OSBPL6: variants seen among roughly 807,000 people sequenced by gnomAD.
OSBPL6 encodes the protein oxysterol-binding protein-related protein 6.
A neutral mutation model predicts 125.8 loss-of-function variants in OSBPL6; 49 were observed. That is an observed-to-expected ratio of 0.39 (90% CI 0.31 to 0.49). The LOEUF is 0.49. OSBPL6 is among the 20% of genes least tolerant of loss of function. The probability of loss-of-function intolerance (pLI) is 0.88; values close to 1 mark genes in which losing one functional copy is unlikely to be tolerated. For synonymous variants in OSBPL6, 394 were observed against 391.8 expected, an observed-to-expected ratio of 1.01 and a Z score of -0.07; for missense variants, 986 against 1,135.4, an observed-to-expected ratio of 0.87 and a Z score of 1.89.
At chr2:178,297,713 C>G (rs1553545809) in intron 2 of OSBPL6, among the ~76,000 whole-genome samples, 1 of 152,120 alleles carries the variant, frequency 6.6e-6, no homozygotes, top group Non-Finnish European at 1.5e-5. Flanking sequence ...AGAAGAAATG[C>G]AGATTGGCGT....
chr2:178,249,030 C>A (rs770971227), intron 1 of OSBPL6, among the ~76,000 whole-genome samples: 1 of 152,014 alleles, frequency 6.6e-6, no homozygotes, highest in Non-Finnish European at 1.5e-5. Flanking sequence ...TCCACCTCCC[C>A]GGTTCAAGTG....
intron 3 of OSBPL6, among the ~76,000 whole-genome samples, chr2:178,309,879 G>A (rs1687112436): frequency 6.6e-6 from 1 of 152,214 alleles, no homozygotes; most frequent in Admixed American, 6.5e-5. Context: ...CAAAGTGTGT[G>A]CCGAGGAATG....
chr2:178,201,268 T>C (rs868736607), intron 1 of OSBPL6, among the ~76,000 whole-genome samples: 4 of 152,230 alleles, frequency 2.6e-5, no homozygotes, highest in Non-Finnish European at 5.9e-5. Flanking sequence ...CTGATTTTCA[T>C]AGAAGCAACT....
At chr2:178,320,880 C>G (rs1688178573) in intron 3 of OSBPL6, among the ~76,000 whole-genome samples, 1 of 152,190 alleles carries the variant, frequency 6.6e-6, no homozygotes, top group Non-Finnish European at 1.5e-5. Flanking sequence ...CCAAGATAGG[C>G]TGGGTGCAGT....
At chr2:178,314,107 A>G (rs187606679) in intron 3 of OSBPL6, among the ~76,000 whole-genome samples, 18 of 152,350 alleles carry the variant, frequency 1.2e-4, no homozygotes, top group African/African-American at 3.4e-4. Context: ...AGCATCTTCA[A>G]ATCGCTCTGT....
At chr2:178,300,738 G>A (rs1686201268) in intron 2 of OSBPL6, among the ~76,000 whole-genome samples, 1 of 152,206 alleles carries the variant, frequency 6.6e-6, no homozygotes, top group Non-Finnish European at 1.5e-5. Context: ...TTACAGGCAT[G>A]AGCTACCACA....
chr2:178,193,797 G>A (rs2088660848), upstream of OSBPL6, among the ~76,000 whole-genome samples: 1 of 152,236 alleles, frequency 6.6e-6, no homozygotes, highest in Admixed American at 6.5e-5. Flanking sequence ...GTTGTAGTGA[G>A]GCGGGACTGA....
At chr2:178,344,634 GC>G (rs1690534973) in intron 11 of OSBPL6, among the ~76,000 whole-genome samples, 1 of 151,530 alleles carries the variant, frequency 6.6e-6, no homozygotes, top group Non-Finnish European at 1.5e-5. Flanking sequence ...TGAGTACAGT[GC>G]CCCATGATGT....
At chr2:178,209,699 A>G (rs1478698545) in intron 1 of OSBPL6, among the ~76,000 whole-genome samples, 1 of 151,888 alleles carries the variant, frequency 6.6e-6, no homozygotes, top group Non-Finnish European at 1.5e-5. Context: ...CAAGCACTCA[A>G]GTGGGTCTTT....
At chr2:178,213,856 C>T (rs1476732496) in intron 1 of OSBPL6, among the ~76,000 whole-genome samples, 1 of 152,144 alleles carries the variant, frequency 6.6e-6, no homozygotes, top group Non-Finnish European at 1.5e-5. Flanking sequence ...GACTGGACTG[C>T]TCTTCCTCCT....
In OSBPL6 at chr2:178,384,092, A is replaced by G; in HGVS notation, c.1929A>G (p.Ala643=). ...GATACTGCTCCACCTATTTCAGAGC[A>G]GGAAGTAAGCCATTCAACCCAGTCC... is the stretch of plus-strand genomic sequence containing the variant. ...VSGYCSTYFR[A]GSKPFNPVLG... is the part of the protein sequence containing the mutation. Residue 643 remains alanine (A), a synonymous_variant, in exon 18 of 25, where the codon GCA becomes GCG. Transcript: ENST00000190611. The G allele has an allele frequency of 1.2e-6, 2 of 1,614,178 alleles. No homozygotes were observed. Among genetic ancestry groups the G allele is most frequent in the Non-Finnish European group, 1.7e-6 (2 of 1,179,994 alleles).
rs1559338596 is a variant in OSBPL6 at position 178,397,309 on chromosome 2, T to C, written c.*1750T>C. On this transcript the variant is annotated 3_prime_UTR_variant, in exon 25 of 25. Coordinates refer to ENST00000190611, the MANE Select transcript of OSBPL6 (RefSeq NM_032523.4). ...GAATGGAATTTCATTCTCAGGTAAA[T>C]TTTCGAATCCATCACCAGATCTAAG... 6.6e-6 allele frequency: 1 copy of C among 152,246 alleles called. No individual in the cohort carries two copies. Among genetic ancestry groups the C allele is most frequent in the Non-Finnish European group, 1.5e-5 (1 of 68,038 alleles). 9.4% of individuals were successfully genotyped at this position (152,246 alleles called of 1,614,324 possible).
rs992237224 is a variant in OSBPL6, at chr2:178,343,658, C to T, written c.987+3894C>T. On this transcript the variant is annotated intron_variant, in intron 11 of 24. Coordinates refer to ENST00000190611, the MANE Select transcript of OSBPL6 (RefSeq NM_032523.4). Reference sequence around the variant, plus strand: ...AGGAACTTAAGTTTTCTTTTCTGATCTTATGGGGTCTGGCATCTTCCTTGG... The same window carrying T: ...AGGAACTTAAGTTTTCTTTTCTGATTTTATGGGGTCTGGCATCTTCCTTGG... 2.0e-5 allele frequency among the ~76,000 whole-genome samples: 3 copies of T among 152,238 alleles called. No homozygotes were observed. In the East Asian group the frequency reaches 5.8e-4, roughly 29 times the overall value.
chr2:178,264,886 CT>C lies in OSBPL6; in HGVS notation c.-350-20030del, dbSNP rs779425479. 5.9e-3 allele frequency among the ~76,000 whole-genome samples: 866 copies of C among 147,816 alleles called. 4 individuals are homozygous for C. The highest frequency in any genetic ancestry group is 8.7e-3 in the Non-Finnish European group (580 of 66,650). On this transcript the variant is annotated intron_variant, in intron 1 of 24. Coordinates refer to ENST00000190611, the MANE Select transcript of OSBPL6 (RefSeq NM_032523.4). ...AAAGTTTGCATAGGATACCAGGATACTTTTTTTTTTTCTTTAGAGACAGAGT... is the reference window on the plus strand; with the variant it reads ...AAAGTTTGCATAGGATACCAGGATACTTTTTTTTTTCTTTAGAGACAGAGT...
intron 1 of OSBPL6, among the ~76,000 whole-genome samples, chr2:178,225,105 A>T (rs910321154): frequency 8.6e-5 from 13 of 152,010 alleles, no homozygotes; most frequent in Non-Finnish European, 1.2e-4. Context: ...GACAGGTGGC[A>T]GTGTTTTAGT....
intron 12 of OSBPL6, among the ~76,000 whole-genome samples, chr2:178,360,662 A>G (rs1692270841): frequency 6.6e-6 from 1 of 152,232 alleles, no homozygotes; most frequent in African/African-American, 2.4e-5. Flanking sequence ...GAACTTTTCT[A>G]TGACTATTGC....
chr2:178,215,595 C>T (rs2090060227), intron 1 of OSBPL6, among the ~76,000 whole-genome samples: 1 of 151,888 alleles, frequency 6.6e-6, no homozygotes, highest in South Asian at 2.1e-4. Context: ...GGGGACCCAG[C>T]TTTATTCTGC....
chr2:178,365,003 C>T (rs1383234838), intron 13 of OSBPL6, among the ~76,000 whole-genome samples: 1 of 152,122 alleles, frequency 6.6e-6, no homozygotes, highest in Admixed American at 6.5e-5. Context: ...AGGCGAAACC[C>T]CATCTCTACT....
At chr2:178,315,122 A>T (rs968422895) in intron 3 of OSBPL6, among the ~76,000 whole-genome samples, 4 of 152,094 alleles carry the variant, frequency 2.6e-5, no homozygotes, top group African/African-American at 9.7e-5. Flanking sequence ...GCTTTTCTCA[A>T]TTTTTTGCAT....
Sources: gnomAD v4.1 joint callset for allele counts (sites outside exome capture counted in the v4.1 genomes callset) on GRCh38, gnomAD v4.1.1 for gene constraint, MANE v1.5 for transcripts, NCBI Gene and HGNC (gene_info 2026-07-23, HGNC 2026-07-21) for gene names.